The following KIF19 variants were observed in gnomAD, a reference collection of about 807,000 sequenced individuals.
KIF19 encodes the protein kinesin-like protein KIF19.
KIF19 carries 98 observed loss-of-function variants against 106.6 expected under a neutral mutation model. That is an observed-to-expected ratio of 0.92 (90% CI 0.78 to 1.09). KIF19 has a LOEUF of 1.09. KIF19 is among the 50% of genes least tolerant of loss of function. The pLI is 0.00. For missense variants in KIF19, 1,373 were observed against 1,414.3 expected (o/e 0.97, Z 0.47); for synonymous variants, 516 against 584.2 (o/e 0.88, Z 1.68).
rs975322161 is a variant in KIF19 at position 74,346,069 on chromosome 17, C to T, written c.778-309C>T. Among the ~76,000 whole-genome samples, 3 of 152,244 alleles carry T rather than the reference C, an allele frequency of 2.0e-5. No homozygotes were observed. The highest frequency in any genetic ancestry group is 2.9e-5 in the Non-Finnish European group (2 of 68,044). On this transcript the variant is annotated intron_variant, in intron 7 of 19. Transcript: ENST00000389916. This position sits in a 1 kb window ranked among gnomAD's most constrained non-coding sequence, Gnocchi z 4.6. The stretch of plus-strand genomic sequence containing the variant: ...GTCCTGCCGGCTCCCAGCTGAGCTG[C>T]CTGGAAAGCAACCTCCCTCCCATCT...
In KIF19 at chr17:74,348,439, G is replaced by A. The variant is rs79844351; in HGVS notation, c.1047+540G>A. Among the ~76,000 whole-genome samples the A allele has an allele frequency of 1.3e-3, 197 of 152,386 alleles. 1 individual carries two copies. The highest frequency in any genetic ancestry group is 4.4e-3 in the African/African-American group (184 of 41,594). ...TCCAAGTCCGTGTCCTCACCTGTCT[G>A]TAAGCATGTCGGAACCCTTGCCATC... is the stretch of plus-strand genomic sequence containing the variant. On this transcript the variant is annotated intron_variant, in intron 9 of 19. Coordinates refer to ENST00000389916, the MANE Select transcript of KIF19 (RefSeq NM_153209.4).
chr17:74,345,185 C>T (rs888637741), intron 7 of KIF19, among the ~76,000 whole-genome samples: 4 of 151,672 alleles, frequency 2.6e-5, no homozygotes, highest in African/African-American at 4.8e-5. Flanking sequence ...AAGTGAGGAA[C>T]GTTCCAGAGG....
At chr17:74,338,342 G>A (rs1251111962) in intron 2 of KIF19, among the ~76,000 whole-genome samples, 1 of 152,154 alleles carries the variant, frequency 6.6e-6, no homozygotes, top group Non-Finnish European at 1.5e-5. Context: ...GCAAGCTTTG[G>A]GGCCTGGGAC....
chr17:74,341,664 CT>C (rs1317970887), intron 2 of KIF19, among the ~76,000 whole-genome samples: 2 of 152,224 alleles, frequency 1.3e-5, no homozygotes, highest in African/African-American at 4.8e-5. Context: ...CGAGACCTAC[CT>C]CCAGTGGGAC....
At chr17:74,334,413 G>A (rs1428199153) in intron 2 of KIF19, among the ~76,000 whole-genome samples, 1 of 152,122 alleles carries the variant, frequency 6.6e-6, no homozygotes, top group Non-Finnish European at 1.5e-5. Flanking sequence ...CTCAGGTGAA[G>A]GTATCTGCAG....
chr17:74,332,210 T>TGTGTGTTTGTG (rs1567897631), intron 2 of KIF19, among the ~76,000 whole-genome samples: 1 of 108,764 alleles, frequency 9.2e-6, no homozygotes, highest in Non-Finnish European at 2.0e-5. Context: ...GTGTGTGTGT[T>TGTGTGTTTGTG]TGTGTGTGTG....
At chr17:74,341,032 G>A (rs527631777) in intron 2 of KIF19, among the ~76,000 whole-genome samples, 2 of 152,296 alleles carry the variant, frequency 1.3e-5, no homozygotes, top group South Asian at 4.1e-4. Flanking sequence ...GTCATGGCTG[G>A]GGTTAAAAGA....
chr17:74,350,800 C>T lies in KIF19; in HGVS notation c.1482C>T (p.Asp494=). Residue 494 remains aspartate, a synonymous_variant, in exon 12 of 20, where the codon GAC becomes GAT. Transcript: ENST00000389916. ...AGGACGACAGCGAGAAGGACTCAGA[C>T]ACAGGTGATGACCAACCAGACATCC... ...YAKDDSEKDS[D]TGDDQPDILE... is the part of the protein sequence containing the mutation. 1 of 1,614,014 alleles carries T rather than the reference C, an allele frequency of 6.2e-7. No individual in the cohort carries two copies. The highest frequency in any genetic ancestry group is 8.5e-7 in the Non-Finnish European group (1 of 1,179,884).
In KIF19 at chr17:74,346,285, G is replaced by GGATC; in HGVS notation, c.778-92_778-89dup. ...AAGGTCCTTGGGGGTTTATTACCCA[G>GGATC]GATCACCAGGTCATTCATTGGTGGG... On this transcript the variant is annotated intron_variant, in intron 7 of 19. Coordinates refer to ENST00000389916, the MANE Select transcript of KIF19 (RefSeq NM_153209.4). The surrounding 1 kb of genome is among the most constrained non-coding windows in gnomAD (Gnocchi z 4.6). The GGATC allele has an allele frequency of 7.2e-7, 1 of 1,394,428 alleles. No homozygotes were observed. Among genetic ancestry groups the GGATC allele is most frequent in the Non-Finnish European group, 9.7e-7 (1 of 1,025,816 alleles). 86.4% of individuals were successfully genotyped at this position (1,394,428 alleles called of 1,614,324 possible).
At chr17:74,332,440 C>T (rs1398002916) in intron 2 of KIF19, among the ~76,000 whole-genome samples, 2 of 152,020 alleles carry the variant, frequency 1.3e-5, no homozygotes, top group African/African-American at 4.8e-5. Context: ...AGCTACAGAT[C>T]AAACAGCCGT....
rs896757029 is a variant in KIF19, at chr17:74,353,786, A to C, written c.2308+205A>C. 5.5e-4 allele frequency among the ~76,000 whole-genome samples: 84 copies of C among 152,312 alleles called. 1 individual carries two copies. The highest frequency in any genetic ancestry group is 1.9e-3 in the African/African-American group (79 of 41,576). ...TCTTCTCTAAGTCAAGGACATTTAGAGAGATGGGGGCAGAATCGGAAATTA... is the reference window on the plus strand; with the variant it reads ...TCTTCTCTAAGTCAAGGACATTTAGCGAGATGGGGGCAGAATCGGAAATTA... On this transcript the variant is annotated intron_variant, in intron 17 of 19. Transcript: ENST00000389916.
chr17:74,354,729 G>C, intron 18 of KIF19, 53 bp from the exon 19 acceptor site: 1 of 1,534,998 alleles, frequency 6.5e-7, no homozygotes, highest in African/African-American at 1.4e-5. Flanking sequence ...ACAGATCCTG[G>C]TAGCAGATCC....
In KIF19 at chr17:74,352,521, T is replaced by C. The variant is rs576963719; in HGVS notation, c.1980+181T>C. Among the ~76,000 whole-genome samples, 176 of 152,292 alleles carry C rather than the reference T, an allele frequency of 1.2e-3. 1 individual carries two copies. The highest frequency in any genetic ancestry group is 4.1e-3 in the African/African-American group (172 of 41,564). On this transcript the variant is annotated intron_variant, in intron 14 of 19. Transcript: ENST00000389916. Reference sequence around the variant, plus strand: ...TTGTCAAGCCTGAGTAAGACCCTCCTCCTTGGGCACTCCTGGGCATCACTT... The same window carrying C: ...TTGTCAAGCCTGAGTAAGACCCTCCCCCTTGGGCACTCCTGGGCATCACTT...
In KIF19 at chr17:74,350,500, G is replaced by T. The variant is rs1567917959; in HGVS notation, c.1313G>T (p.Arg438Met). ...TTCCAGGAGCAGATGGATGTGCGGA[G>T]GCGCCTGCTGGAGCTGGAGAACCGC... ...SAFQEQMDVR[R>M]RLLELENRAM... The change falls in exon 11 of 20, where the codon AGG (arginine) becomes ATG (methionine). Residue 438 changes from arginine (R) to methionine (M), a missense_variant. By Grantham distance (91) the Arg-to-Met change is moderately conservative (BLOSUM62 -1). Coordinates refer to ENST00000389916, the MANE Select transcript of KIF19 (RefSeq NM_153209.4). 1 of 1,612,610 alleles carries T rather than the reference G, an allele frequency of 6.2e-7. No individual in the cohort carries two copies. Among genetic ancestry groups the T allele is most frequent in the South Asian group, 1.1e-5 (1 of 90,950 alleles).
chr17:74,345,001 G>C (rs760079664), intron 7 of KIF19, 46 bp downstream of exon 7: 1 of 1,526,330 alleles, frequency 6.6e-7, no homozygotes, highest in Non-Finnish European at 8.8e-7. Flanking sequence ...GGTTGACCCA[G>C]GCAACAGCGG....
At chr17:74,347,617 C>T (rs1405348321) in intron 8 of KIF19, among the ~76,000 whole-genome samples, 160 bp from the exon 9 acceptor site, 1 of 152,060 alleles carries the variant, frequency 6.6e-6, no homozygotes, top group Non-Finnish European at 1.5e-5. Flanking sequence ...GCAGGGCTTT[C>T]TTCCTCCCAA....
chr17:74,353,520 C>T lies in KIF19; in HGVS notation c.2247C>T (p.Ser749=). 6.2e-7 allele frequency: 1 copy of T among 1,613,912 alleles called. No homozygotes were observed. Among genetic ancestry groups the T allele is most frequent in the African/African-American group, 1.3e-5 (1 of 75,060 alleles). The change falls in exon 17 of 20, where the codon AGC becomes AGT. Residue 749 remains serine, a synonymous_variant. Coordinates refer to ENST00000389916, the MANE Select transcript of KIF19 (RefSeq NM_153209.4). Reference sequence around the variant, plus strand: ...CCCCGGCTCAGGACAGCCTGGGCAGCTGGATCAACTCTTCCCCTGACAGCA... The same window carrying T: ...CCCCGGCTCAGGACAGCCTGGGCAGTTGGATCAACTCTTCCCCTGACAGCA... ...QEAPAQDSLG[S]WINSSPDSSE...
At position 74,335,190 on chromosome 17, in the gene KIF19, G is replaced by A. The variant is rs545687151; in HGVS notation, c.120+6685G>A. ...GCAGTGTCACAACCGGGGGAAGGGTGCGACTGGCATCTAGTGGGTAGCGGC... is the reference window on the plus strand; with the variant it reads ...GCAGTGTCACAACCGGGGGAAGGGTACGACTGGCATCTAGTGGGTAGCGGC... On this transcript the variant is annotated intron_variant, in intron 2 of 19. Transcript: ENST00000389916. Among the ~76,000 whole-genome samples the A allele has an allele frequency of 2.0e-5, 3 of 152,300 alleles. 1 individual carries two copies. The South Asian group carries it at 6.2e-4, about 32-fold the overall frequency.
At chr17:74,347,959 G>A (rs1288994952) in intron 9 of KIF19, 60 bp downstream of exon 9, 34 of 1,533,316 alleles carry the variant, frequency 2.2e-5, no homozygotes, top group African/African-American at 8.2e-5. Context: ...TCAAGCCCCC[G>A]GGCTGATCCC....
Sources: allele counts gnomAD v4.1 joint callset (sites outside exome capture counted in the v4.1 genomes callset), GRCh38; gene constraint gnomAD v4.1.1; non-coding constraint Gnocchi (gnomAD v3.1); transcripts MANE v1.5; gene names NCBI Gene and HGNC (gene_info 2026-07-23, HGNC 2026-07-21).